Variants in AMER3 observed in about 807,000 individuals in gnomAD.
AMER3 encodes family with sequence similarity 123C.
For synonymous variants in AMER3, 541 were observed against 485.5 expected (o/e 1.11, Z -1.50); for missense variants, 1,201 against 1,139.4 (o/e 1.05, Z -0.78).
At position 130,765,421 on chromosome 2, in the gene AMER3, C is replaced by T. The variant is rs1156579437; in HGVS notation, c.*763C>T. The T allele has an allele frequency of 1.2e-5, 2 of 167,164 alleles. No individual in the cohort carries two copies. 10.4% of individuals were successfully genotyped at this position (167,164 alleles called of 1,614,324 possible). The stretch of plus-strand genomic sequence containing the variant: ...ATACTTGCAGTCATATCATGACCAA[C>T]AACCTAAGTCTTTTGACGAAGTCAA... On this transcript the variant is annotated 3_prime_UTR_variant, in exon 2 of 2. Transcript: ENST00000321420.
chr2:130,763,541 G>C lies in AMER3; in HGVS notation c.1469G>C (p.Gly490Ala). ...GGCTTCCTACAGAGCTCCTGGAAGGGCAAGGAGTGCCTGCTGAAGCTGTGT... is the reference window on the plus strand; with the variant it reads ...GGCTTCCTACAGAGCTCCTGGAAGGCCAAGGAGTGCCTGCTGAAGCTGTGT... ...SQGFLQSSWK[G>A]KECLLKLCDT... Residue 490 changes from glycine to alanine, a missense_variant, in exon 2 of 2, where the codon GGC (glycine) becomes GCC (alanine). By Grantham distance (60) the Gly-to-Ala change is moderately conservative (BLOSUM62 0). Transcript: ENST00000321420. 6.2e-7 allele frequency: 1 copy of C among 1,612,596 alleles called. No homozygotes were observed. The highest frequency in any genetic ancestry group is 8.5e-7 in the Non-Finnish European group (1 of 1,179,862).
chr2:130,758,201 T>G (rs1217723617), intron 1 of AMER3, among the ~76,000 whole-genome samples: 2 of 136,022 alleles, frequency 1.5e-5, no homozygotes, highest in Admixed American at 1.5e-4. Context: ...CTACTAAAAT[T>G]AAGAAAAAAA....
chr2:130,756,812 T>G (rs569022616), intron 1 of AMER3, among the ~76,000 whole-genome samples: 2 of 151,504 alleles, frequency 1.3e-5, no homozygotes, highest in East Asian at 2.0e-4. Flanking sequence ...TATTCCCCAT[T>G]CCCACCCCCA....
At chr2:130,757,777 C>G (rs544755989) in intron 1 of AMER3, among the ~76,000 whole-genome samples, 9 of 152,290 alleles carry the variant, frequency 5.9e-5, no homozygotes, top group African/African-American at 2.2e-4. Flanking sequence ...ATGGAACTTG[C>G]AAGTTCGTCT....
Position 130,764,776 on chromosome 2 carries a change from G to C in AMER3, c.*118G>C. The C allele has an allele frequency of 7.9e-7, 1 of 1,268,356 alleles. No individual in the cohort carries two copies. Among genetic ancestry groups the C allele is most frequent in the Non-Finnish European group, 1.1e-6 (1 of 934,222 alleles). The allele number at this position is 1,268,356 out of a possible 1,614,324, so 78.6% of individuals were successfully genotyped here. A position where few individuals can be genotyped will look rare whatever the true frequency, so the allele number is the denominator to read the frequency against. On this transcript the variant is annotated 3_prime_UTR_variant, in exon 2 of 2. Transcript: ENST00000321420. ...GGGGACTGTGTTGGGGGTGGGGGGT[G>C]GCAGGACTCAGGCATGCAGAGGGTA...
In AMER3 at chr2:130,764,314, C is replaced by G. The variant is rs577463247; in HGVS notation, c.2242C>G (p.Arg748Gly). Reference sequence around the variant, plus strand: ...CACACAGGACCAGAGGTGTCGAGATCGTGTCCAGGACCTGAGCTGGCTCAG... The same window carrying G: ...CACACAGGACCAGAGGTGTCGAGATGGTGTCCAGGACCTGAGCTGGCTCAG... ...ASTQDQRCRD[R>G]VQDLSWLRVE... Residue 748 changes from arginine (R) to glycine (G), a missense_variant, in exon 2 of 2, where the codon CGT becomes GGT. By Grantham distance (125) the Arg-to-Gly change is moderately radical. Transcript: ENST00000321420. The G allele has an allele frequency of 6.2e-7, 1 of 1,607,872 alleles. No individual in the cohort carries two copies. The highest frequency in any genetic ancestry group is 8.5e-7 in the Non-Finnish European group (1 of 1,176,004).
Position 130,767,470 on chromosome 2 carries a change from C to T in AMER3, c.*2812C>T, listed in dbSNP as rs1424561915. ...GATCTGTAGCTGAGGGTGGCCCTCC[C>T]ACCAGGGGACGCTGGTCAGTGCCTC... On this transcript the variant is annotated 3_prime_UTR_variant, in exon 2 of 2. Transcript: ENST00000321420. 1 of 166,826 alleles carries T rather than the reference C, an allele frequency of 6.0e-6. No homozygotes were observed. The highest frequency in any genetic ancestry group is 6.5e-5 in the Admixed American group (1 of 15,268). The allele number at this position is 166,826 out of a possible 1,614,324, so 10.3% of individuals were successfully genotyped here. A position where few individuals can be genotyped will look rare whatever the true frequency, so the allele number is the denominator to read the frequency against.
At position 130,755,804 on chromosome 2, in the gene AMER3, G is replaced by A. The variant is rs1678584126; in HGVS notation, c.-20+130G>A. On this transcript the variant is annotated intron_variant, in intron 1 of 1. Transcript: ENST00000321420. ...TTCTTGCAGGCCCGCTCCGAACCCT[G>A]GGTAAGACTCGTGACGAGGCTCCGG... 5 of 152,310 alleles carry A rather than the reference G, an allele frequency of 3.3e-5. No homozygotes were observed. In the South Asian group the frequency reaches 1.0e-3, roughly 32 times the overall value. 9.4% of individuals were successfully genotyped at this position (152,310 alleles called of 1,614,324 possible). A position where few individuals can be genotyped will look rare whatever the true frequency, so the allele number is the denominator to read the frequency against.
At position 130,762,512 on chromosome 2, in the gene AMER3, C is replaced by G. The variant is rs1322471915; in HGVS notation, c.440C>G (p.Pro147Arg). 1 of 1,613,258 alleles carries G rather than the reference C, an allele frequency of 6.2e-7. No homozygotes were observed. Among genetic ancestry groups the G allele is most frequent in the African/African-American group, 1.3e-5 (1 of 74,930 alleles). Residue 147 changes from proline (P) to arginine (R), a missense_variant, in exon 2 of 2, where the codon CCG becomes CGG. Coordinates refer to ENST00000321420, the MANE Select transcript of AMER3 (RefSeq NM_152698.3). ...GTGCCAGCTGTGGCCAAGAGCATCCCGAGGAAGAGGATTTCCCTGAAGAGG... is the reference window on the plus strand; with the variant it reads ...GTGCCAGCTGTGGCCAAGAGCATCCGGAGGAAGAGGATTTCCCTGAAGAGG... ...PFVPAVAKSI[P>R]RKRISLKRPK...
Position 130,764,810 on chromosome 2 carries a change from A to G in AMER3, c.*152A>G. 2.0e-6 allele frequency: 2 copies of G among 1,013,012 alleles called. No homozygotes were observed. The highest frequency in any genetic ancestry group is 2.8e-6 in the Non-Finnish European group (2 of 702,814). 62.8% of individuals were successfully genotyped at this position (1,013,012 alleles called of 1,614,324 possible). ...CAGGCATGCAGAGGGTAGCATGTTCATGTGGAGGCATCCTTGCCTGAACCC... is the reference window on the plus strand; with the variant it reads ...CAGGCATGCAGAGGGTAGCATGTTCGTGTGGAGGCATCCTTGCCTGAACCC... On this transcript the variant is annotated 3_prime_UTR_variant, in exon 2 of 2. Coordinates refer to ENST00000321420, the MANE Select transcript of AMER3 (RefSeq NM_152698.3).
chr2:130,759,528 G>A (rs370724386), intron 1 of AMER3, among the ~76,000 whole-genome samples: 1 of 152,172 alleles, frequency 6.6e-6, no homozygotes, highest in Non-Finnish European at 1.5e-5. Flanking sequence ...AAGGGAAATA[G>A]AGATCTCATA....
In AMER3 at chr2:130,765,998, TC is replaced by T. The variant is rs1477606200; in HGVS notation, c.*1344del. On this transcript the variant is annotated 3_prime_UTR_variant, in exon 2 of 2. Coordinates refer to ENST00000321420, the MANE Select transcript of AMER3 (RefSeq NM_152698.3). ...CTTGTCAACTTGGCATCCATCCGCA[TC>T]CCCTTAAACCATTTTCAGTCTCCAA... The T allele has an allele frequency of 6.0e-6, 1 of 167,028 alleles. No individual in the cohort carries two copies. Among genetic ancestry groups the T allele is most frequent in the Non-Finnish European group, 1.5e-5 (1 of 68,158 alleles). 10.3% of individuals were successfully genotyped at this position (167,028 alleles called of 1,614,324 possible). A position where few individuals can be genotyped will look rare whatever the true frequency, so the allele number is the denominator to read the frequency against.
At position 130,764,864 on chromosome 2, in the gene AMER3, C is replaced by T. The variant is rs1031176778; in HGVS notation, c.*206C>T. The T allele has an allele frequency of 1.1e-5, 7 of 647,840 alleles. No homozygotes were observed. The highest frequency in any genetic ancestry group is 1.8e-5 in the Non-Finnish European group (7 of 379,334). The allele number at this position is 647,840 out of a possible 1,614,324, so 40.1% of individuals were successfully genotyped here. A position where few individuals can be genotyped will look rare whatever the true frequency, so the allele number is the denominator to read the frequency against. On this transcript the variant is annotated 3_prime_UTR_variant, in exon 2 of 2. Transcript: ENST00000321420. ...AGCTCAGGCAGCCCACCGCCAAAGA[C>T]AGCGCGAAGCTGCAACCACCTAGCT...
In AMER3 at chr2:130,763,632, C is replaced by A; in HGVS notation, c.1560C>A (p.Ala520=). Residue 520 remains alanine, a synonymous_variant, in exon 2 of 2, where the codon GCC becomes GCA. Coordinates refer to ENST00000321420, the MANE Select transcript of AMER3 (RefSeq NM_152698.3). ...TGCGCCGAGGCCCCACGCCCCGTGC[C>A]CCACCCACCCCTGGGCAGCCTGCAG... ...SWLRRGPTPR[A]PPTPGQPAAP... The A allele has an allele frequency of 1.3e-6, 2 of 1,544,400 alleles. No homozygotes were observed. Among genetic ancestry groups the A allele is most frequent in the Non-Finnish European group, 1.7e-6 (2 of 1,146,396 alleles).
At chr2:130,756,199 C>T (rs1371769064) in intron 1 of AMER3, 1 of 147,904 alleles carries the variant, frequency 6.8e-6, no homozygotes, top group East Asian at 2.0e-4. Flanking sequence ...CGGCTTAACC[C>T]TCGCCTGCCC....
Position 130,762,983 on chromosome 2 carries a change from C to CT in AMER3, c.912dup (p.Asp305Ter), listed in dbSNP as rs1485165710. 2.5e-6 allele frequency: 4 copies of CT among 1,613,222 alleles called. No individual in the cohort carries two copies. Among genetic ancestry groups the CT allele is most frequent in the Non-Finnish European group, 3.4e-6 (4 of 1,180,002 alleles). On this transcript the variant is annotated frameshift_variant, in exon 2 of 2. Transcript: ENST00000321420. LOFTEE classifies it low-confidence loss of function (END_TRUNC). ...GCCTCGCCCGCCCAGAATGAAGCCT[C>CT]TGACTTCACCAGGTTCTGGGACAGT...
intron 1 of AMER3, among the ~76,000 whole-genome samples, chr2:130,757,948 CG>C (rs1678658757): frequency 6.6e-6 from 1 of 152,050 alleles, no homozygotes; most frequent in South Asian, 2.1e-4. Context: ...CTGGCTAACA[CG>C]GTGAAACCCC....
At chr2:130,756,453 A>C (rs1574037896) in intron 1 of AMER3, 1 of 152,396 alleles carries the variant, frequency 6.6e-6, no homozygotes, top group South Asian at 2.1e-4. Context: ...GAGGGCAAGG[A>C]TTGGGGAATT....
At position 130,764,480 on chromosome 2, in the gene AMER3, G is replaced by T. The variant is rs1380506426; in HGVS notation, c.2408G>T (p.Trp803Leu). The change falls in exon 2 of 2, where the codon TGG (tryptophan) becomes TTG (leucine). Residue 803 changes from tryptophan to leucine, a missense_variant. Transcript: ENST00000321420. ...SEPRSAPAAR[W>L]SSQGHHPESL... The stretch of plus-strand genomic sequence containing the variant: ...CCCCGCTCAGCCCCTGCTGCCCGGT[G>T]GAGTTCCCAGGGCCACCATCCAGAA... 1.3e-6 allele frequency: 2 copies of T among 1,598,580 alleles called. No homozygotes were observed. The highest frequency in any genetic ancestry group is 1.3e-5 in the African/African-American group (1 of 74,808).
Sources: gnomAD v4.1 joint callset for allele counts (sites outside exome capture counted in the v4.1 genomes callset) on GRCh38, gnomAD v4.1.1 for gene constraint, MANE v1.5 for transcripts, NCBI Gene and HGNC (gene_info 2026-07-23, HGNC 2026-07-21) for gene names.